Variants in ZNF462 observed in about 807,000 individuals in gnomAD.
ZNF462 encodes the protein zinc finger protein 462.
A neutral mutation model predicts 201.9 loss-of-function variants in ZNF462; 10 were observed. The observed-to-expected ratio is 0.05, with a 90% CI of 0.03 to 0.08. The LOEUF (loss-of-function observed/expected upper bound fraction) is 0.08. Ranked by LOEUF, ZNF462 falls within the 10% of genes least tolerant of loss-of-function variation. The pLI is 1.00. For missense variants in ZNF462, 2,523 were observed against 3,168.3 expected (o/e 0.80, Z 4.89); for synonymous variants, 1,227 against 1,193.3 (o/e 1.03, Z -0.58).
At chr9:106,864,523 G>C (rs1827243763) in intron 1 of ZNF462, among the ~76,000 whole-genome samples, 1 of 152,026 alleles carries the variant, frequency 6.6e-6, no homozygotes, top group Non-Finnish European at 1.5e-5. Context: ...TGTCTGCTTT[G>C]GTTCCAGTCC....
At chr9:106,884,159 A>G (rs1395802327) in intron 1 of ZNF462, among the ~76,000 whole-genome samples, 1 of 152,208 alleles carries the variant, frequency 6.6e-6, no homozygotes, top group East Asian at 1.9e-4. Context: ...ATAGACTTTC[A>G]GGTTCTACCA....
At position 106,927,288 on chromosome 9, in the gene ZNF462, G is replaced by C; in HGVS notation, c.3376G>C (p.Val1126Leu). 6.2e-7 allele frequency: 1 copy of C among 1,609,556 alleles called. No individual in the cohort carries two copies. The highest frequency in any genetic ancestry group is 8.5e-7 in the Non-Finnish European group (1 of 1,179,538). The change falls in exon 3 of 13, where the codon GTT becomes CTT. Residue 1126 changes from valine to leucine, a missense_variant. By Grantham distance (32) the Val-to-Leu change is conservative. Around this residue, in one of 15 missense-constraint regions of ZNF462, gnomAD observed 280 missense variants for 321.3 expected, o/e 0.87. Coordinates refer to ENST00000277225, the MANE Select transcript of ZNF462 (RefSeq NM_021224.6). ...ACACTGTTCCTACAGCAATCGGTCAGTTGTGGGAGTGCTTGTCCACTACCA... is the reference window on the plus strand; with the variant it reads ...ACACTGTTCCTACAGCAATCGGTCACTTGTGGGAGTGCTTGTCCACTACCA... ...CKHCSYSNRS[V>L]VGVLVHYQKR... is the part of the protein sequence containing the mutation.
intron 7 of ZNF462, among the ~76,000 whole-genome samples, chr9:106,947,631 C>G (rs1831168426): frequency 6.6e-6 from 1 of 152,124 alleles, no homozygotes; most frequent in African/African-American, 2.4e-5. Context: ...TTTAATATGT[C>G]TAATGCATTG....
At position 106,984,029 on chromosome 9, in the gene ZNF462, G is replaced by A; in HGVS notation, c.6833-157G>A. 6.6e-6 allele frequency among the ~76,000 whole-genome samples: 1 copy of A among 152,158 alleles called. No individual in the cohort carries two copies. Among genetic ancestry groups the A allele is most frequent in the East Asian group, 1.9e-4 (1 of 5,194 alleles). On this transcript the variant is annotated intron_variant, in intron 9 of 12. Coordinates refer to ENST00000277225, the MANE Select transcript of ZNF462 (RefSeq NM_021224.6). The surrounding 1 kb of genome is among the most constrained non-coding windows in gnomAD (Gnocchi z 6.4). The stretch of plus-strand genomic sequence containing the variant: ...ATTCCTGAGGAATATGTTGTTTGGG[G>A]GTTAGGGGAGGGGCAGGGTGCATGT...
intron 10 of ZNF462, among the ~76,000 whole-genome samples, chr9:106,987,227 A>G (rs574087350): frequency 1.3e-5 from 2 of 152,304 alleles, no homozygotes; most frequent in Admixed American, 1.3e-4. Context: ...TAGTTCTTTA[A>G]GGAATCACCA....
chr9:106,931,448 T>G (rs1830423173), intron 4 of ZNF462, among the ~76,000 whole-genome samples: 1 of 152,212 alleles, frequency 6.6e-6, no homozygotes, highest in Admixed American at 6.5e-5. Flanking sequence ...GCGAACATAT[T>G]TTTGTCATCT....
rs949290507 is a variant in ZNF462 at position 107,008,299 on chromosome 9, G to C, written c.7190-1246G>C. Among the ~76,000 whole-genome samples the C allele has an allele frequency of 1.3e-5, 2 of 151,940 alleles. No individual in the cohort carries two copies. Among genetic ancestry groups the C allele is most frequent in the Non-Finnish European group, 2.9e-5 (2 of 67,844 alleles). Reference sequence around the variant, plus strand: ...TCTGTGCAATTATTTTTAATGGCTTGTGTGGTGATCTTCTTAATTTGTGAG... The same window carrying C: ...TCTGTGCAATTATTTTTAATGGCTTCTGTGGTGATCTTCTTAATTTGTGAG... On this transcript the variant is annotated intron_variant, in intron 11 of 12. Transcript: ENST00000277225. The surrounding 1 kb of genome is among the most constrained non-coding windows in gnomAD (Gnocchi z 4.8).
rs1262817275 is a variant in ZNF462, at chr9:106,905,198, T to C, written c.-30-18156T>C. 6.6e-6 allele frequency among the ~76,000 whole-genome samples: 1 copy of C among 152,186 alleles called. No homozygotes were observed. Among genetic ancestry groups the C allele is most frequent in the East Asian group, 1.9e-4 (1 of 5,196 alleles). Reference sequence around the variant, plus strand: ...ACTTCAGTGATTGTTATCTCTCTTCTGGGTCTAGCTACCCAGCGAGTCCAC... The same window carrying C: ...ACTTCAGTGATTGTTATCTCTCTTCCGGGTCTAGCTACCCAGCGAGTCCAC... On this transcript the variant is annotated intron_variant, in intron 1 of 12. Coordinates refer to ENST00000277225, the MANE Select transcript of ZNF462 (RefSeq NM_021224.6). The surrounding 1 kb of genome is among the most constrained non-coding windows in gnomAD (Gnocchi z 5.9).
chr9:106,889,096 A>T (rs1374651302), intron 1 of ZNF462, among the ~76,000 whole-genome samples: 1 of 152,176 alleles, frequency 6.6e-6, no homozygotes, highest in Non-Finnish European at 1.5e-5. Flanking sequence ...CCCAGGACTG[A>T]TGAGTCTTGT....
intron 1 of ZNF462, among the ~76,000 whole-genome samples, chr9:106,864,053 T>TCC: frequency 1.7e-5 from 1 of 60,012 alleles, no homozygotes. Context: ...TCTCTCTCTC[T>TCC]CTCTCTCTCT....
In ZNF462 at chr9:106,932,397, G is replaced by A. The variant is rs374670310; in HGVS notation, c.6013-49G>A. On this transcript the variant is annotated intron_variant, in intron 4 of 12. Transcript: ENST00000277225. The surrounding 1 kb of genome is among the most constrained non-coding windows in gnomAD (Gnocchi z 6.8). ...GAATGTTGGAGGATGAAACCCGGCC[G>A]GGGGGATACCATTGCAGTCAATGTG... The A allele has an allele frequency of 2.8e-5, 45 of 1,613,380 alleles. No individual in the cohort carries two copies. Among genetic ancestry groups the A allele is most frequent in the African/African-American group, 8.0e-5 (6 of 74,918 alleles).
Position 107,005,481 on chromosome 9 carries a change from A to G in ZNF462, c.7189+2055A>G, listed in dbSNP as rs947168665. Among the ~76,000 whole-genome samples the G allele has an allele frequency of 5.3e-5, 8 of 152,142 alleles. No homozygotes were observed. Among genetic ancestry groups the G allele is most frequent in the Admixed American group, 3.3e-4 (5 of 15,258 alleles). On this transcript the variant is annotated intron_variant, in intron 11 of 12. Coordinates refer to ENST00000277225, the MANE Select transcript of ZNF462 (RefSeq NM_021224.6). The surrounding 1 kb of genome is among the most constrained non-coding windows in gnomAD (Gnocchi z 4.4). Reference sequence around the variant, plus strand: ...GATTAGTGATGTTGAACATTTTTTCATATGCCTGCTGGCCATTTGTATGTC... The same window carrying G: ...GATTAGTGATGTTGAACATTTTTTCGTATGCCTGCTGGCCATTTGTATGTC...
chr9:106,894,260 G>A (rs1057489435), intron 1 of ZNF462, among the ~76,000 whole-genome samples: 4 of 152,206 alleles, frequency 2.6e-5, no homozygotes, highest in Non-Finnish European at 5.9e-5. Flanking sequence ...GTTGGCTGAA[G>A]GTTTTTTTGA....
chr9:106,879,335 C>CG (rs1310529781), intron 1 of ZNF462, among the ~76,000 whole-genome samples: 3 of 101,472 alleles, frequency 3.0e-5, no homozygotes, highest in Admixed American at 1.2e-4. Flanking sequence ...GCTTTCCACC[C>CG]CCCCCCCCAC....
chr9:106,894,840 A>G (rs1176392151), intron 1 of ZNF462, among the ~76,000 whole-genome samples: 3 of 152,224 alleles, frequency 2.0e-5, no homozygotes, highest in African/African-American at 7.2e-5. Context: ...ATTGATAAAT[A>G]TTGTAAGTTT....
intron 6 of ZNF462, among the ~76,000 whole-genome samples, chr9:106,937,310 A>G (rs1830671767): frequency 6.6e-6 from 1 of 152,134 alleles, no homozygotes; most frequent in African/African-American, 2.4e-5. Flanking sequence ...TAATTACAGA[A>G]CTTGGATGCT....
chr9:106,879,948 A>T (rs1828019114), intron 1 of ZNF462, among the ~76,000 whole-genome samples: 1 of 152,188 alleles, frequency 6.6e-6, no homozygotes, highest in East Asian at 1.9e-4. Flanking sequence ...TGGACTTCAC[A>T]GCTGTGTTAA....
intron 1 of ZNF462, among the ~76,000 whole-genome samples, chr9:106,887,970 C>CT (rs1226794000): frequency 6.6e-6 from 1 of 151,776 alleles, no homozygotes; most frequent in African/African-American, 2.4e-5. Context: ...GCCTGGCAGT[C>CT]TAAAGCATGC....
rs796290122 is a variant in ZNF462, at chr9:106,879,332, A to ACCCCCC, written c.-31+15983_-31+15988dup. On this transcript the variant is annotated intron_variant, in intron 1 of 12. Transcript: ENST00000277225. ...CAGGAAGCCTAGAGAGATGCTTTCC[A>ACCCCCC]CCCCCCCCCCCACCCCCCACCTTGT... 1.7e-3 allele frequency among the ~76,000 whole-genome samples: 120 copies of ACCCCCC among 70,610 alleles called. 1 individual carries two copies. Among genetic ancestry groups the ACCCCCC allele is most frequent in the African/African-American group, 2.0e-3 (35 of 17,782 alleles). 46.3% of individuals were successfully genotyped at this position (70,610 alleles called of 152,430 possible).
Sources: allele counts gnomAD v4.1 joint callset (sites outside exome capture counted in the v4.1 genomes callset), GRCh38; gene constraint gnomAD v4.1.1; regional missense constraint gnomAD v4.1.1; non-coding constraint Gnocchi (gnomAD v3.1); transcripts MANE v1.5; gene names NCBI Gene and HGNC (gene_info 2026-07-23, HGNC 2026-07-21).